Variants in FETUB observed in about 807,000 individuals in gnomAD.
FETUB encodes fetuin-B.
Under a neutral mutation model 30.9 loss-of-function variants are expected in FETUB, and 28 were observed. That is an observed-to-expected ratio of 0.90 (90% confidence interval 0.67 to 1.24). The LOEUF (loss-of-function observed/expected upper bound fraction) is 1.24. Ranked by LOEUF, FETUB falls within the 50% of genes most tolerant of loss-of-function variation. FETUB has a pLI of 0.00. For synonymous variants in FETUB, 186 were observed against 175.9 expected, an observed-to-expected ratio of 1.06 and a Z score of -0.45; for missense variants, 469 against 455.3, an observed-to-expected ratio of 1.03 and a Z score of -0.27.
chr3:186,650,617 T>A lies in FETUB; in HGVS notation c.697-601T>A, dbSNP rs1437514034. On this transcript the variant is annotated intron_variant, in intron 5 of 6. Coordinates refer to ENST00000265029, the MANE Select transcript of FETUB (RefSeq NM_014375.3). The stretch of plus-strand genomic sequence containing the variant: ...TAAAGTAATATATATATAATATGAC[T>A]CTATTTTGTAGAAGAAAAATGTATA... 2.6e-5 allele frequency among the ~76,000 whole-genome samples: 4 copies of A among 151,972 alleles called. No individual in the cohort carries two copies. The South Asian group carries it at 6.2e-4, about 24-fold the overall frequency.
Position 186,641,123 on chromosome 3 carries a change from A to G in FETUB, c.319A>G (p.Arg107Gly). The change falls in exon 2 of 7, where the codon AGG becomes GGG. Residue 107 changes from arginine (R) to glycine (G), a missense_variant. Arg to Gly is a moderately radical substitution (Grantham distance 125, BLOSUM62 -2). Transcript: ENST00000265029. ...RKKAWQDCGM[R>G]IFFESVYGQC... Reference sequence around the variant, plus strand: ...GAAGGCATGGCAAGACTGTGGAATGAGGATATTTTTTGAATCAGTGAGTGC... The same window carrying G: ...GAAGGCATGGCAAGACTGTGGAATGGGGATATTTTTTGAATCAGTGAGTGC... 1 of 1,611,810 alleles carries G rather than the reference A, an allele frequency of 6.2e-7. No individual in the cohort carries two copies. The highest frequency in any genetic ancestry group is 1.3e-5 in the African/African-American group (1 of 75,006).
At position 186,652,743 on chromosome 3, in the gene FETUB, C is replaced by A; in HGVS notation, c.*112C>A. On this transcript the variant is annotated 3_prime_UTR_variant, in exon 7 of 7. Coordinates refer to ENST00000265029, the MANE Select transcript of FETUB (RefSeq NM_014375.3). ...ACGTAGAGTGGCTAGTGAAGGACGC[C>A]TTTTTGACTCTTCTTGGTCTCAGCA... 7.9e-7 allele frequency: 1 copy of A among 1,264,302 alleles called. No individual in the cohort carries two copies. The highest frequency in any genetic ancestry group is 1.1e-6 in the Non-Finnish European group (1 of 936,222). 78.3% of individuals were successfully genotyped at this position (1,264,302 alleles called of 1,614,324 possible).
chr3:186,640,307 G>A, upstream of FETUB: 1 of 664,150 alleles, frequency 1.5e-6, no homozygotes, highest in Non-Finnish European at 2.7e-6. Context: ...CCAAAGTACT[G>A]ACTTAGGAAA....
At position 186,651,237 on chromosome 3, in the gene FETUB, G is replaced by C; in HGVS notation, c.716G>C (p.Gly239Ala). Residue 239 changes from glycine to alanine, a missense_variant, in exon 6 of 7, where the codon GGT (glycine) becomes GCT (alanine). By Grantham distance (60) the Gly-to-Ala change is moderately conservative. Coordinates refer to ENST00000265029, the MANE Select transcript of FETUB (RefSeq NM_014375.3). ...TTTTAGCCTGTTGGTCTTTGCAAAG[G>C]TTCTCTGACTCGAACACACTGGGAA... ...SDSVPVGLCK[G>A]SLTRTHWEKF... 3 of 1,613,110 alleles carry C rather than the reference G, an allele frequency of 1.9e-6. No individual in the cohort carries two copies. The highest frequency in any genetic ancestry group is 1.7e-6 in the Non-Finnish European group (2 of 1,179,118).
In FETUB at chr3:186,652,592, G is replaced by A. The variant is rs1326741993; in HGVS notation, c.1110G>A (p.Gly370=). The A allele has an allele frequency of 6.2e-7, 1 of 1,612,412 alleles. No homozygotes were observed. Among genetic ancestry groups the A allele is most frequent in the Admixed American group, 1.7e-5 (1 of 59,850 alleles). ...KEKARTAECP[G]PAQNASPLVL... ...AAGCACGCACTGCTGAGTGCCCAGG[G>A]CCAGCCCAGAATGCCAGCCCTCTTG... Residue 370 remains glycine, a synonymous_variant, in exon 7 of 7, where the codon GGG becomes GGA. Transcript: ENST00000265029.
At chr3:186,636,932 G>T (rs1716792249), upstream of FETUB, among the ~76,000 whole-genome samples, 1 of 152,148 alleles carries the variant, frequency 6.6e-6, no homozygotes, top group Non-Finnish European at 1.5e-5. Flanking sequence ...AGTAGAACTA[G>T]TTTCTCCCCT....
rs772469145 is a variant in FETUB at position 186,644,936 on chromosome 3, C to G, written c.594+16C>G. On this transcript the variant is annotated intron_variant, in intron 4 of 6. Coordinates refer to ENST00000265029, the MANE Select transcript of FETUB (RefSeq NM_014375.3). ...TTCTAGCCAGGTAAGGCTAAAACTGCCCAAGCCAGTTACACAGTGTGTCTC... is the reference window on the plus strand; with the variant it reads ...TTCTAGCCAGGTAAGGCTAAAACTGGCCAAGCCAGTTACACAGTGTGTCTC... 6.3e-7 allele frequency: 1 copy of G among 1,599,726 alleles called. No individual in the cohort carries two copies. The highest frequency in any genetic ancestry group is 1.7e-5 in the Admixed American group (1 of 57,666).
upstream of FETUB, among the ~76,000 whole-genome samples, chr3:186,638,360 T>C (rs1049686723): frequency 2.6e-5 from 4 of 152,178 alleles, no homozygotes; most frequent in Non-Finnish European, 5.9e-5. Context: ...TCTATTCTCT[T>C]TCTACAGGCA....
upstream of FETUB, among the ~76,000 whole-genome samples, chr3:186,637,659 C>G (rs1037315442): frequency 2.0e-5 from 3 of 152,238 alleles, no homozygotes; most frequent in African/African-American, 7.2e-5. Context: ...TGCATCCATT[C>G]AAGTGTAACC....
At position 186,652,786 on chromosome 3, in the gene FETUB, A is replaced by C; in HGVS notation, c.*155A>C. The C allele has an allele frequency of 1.1e-6, 1 of 882,604 alleles. No individual in the cohort carries two copies. Among genetic ancestry groups the C allele is most frequent in the Non-Finnish European group, 1.7e-6 (1 of 598,736 alleles). The allele number at this position is 882,604 out of a possible 1,614,324, so 54.7% of individuals were successfully genotyped here. On this transcript the variant is annotated 3_prime_UTR_variant, in exon 7 of 7. Coordinates refer to ENST00000265029, the MANE Select transcript of FETUB (RefSeq NM_014375.3). Reference sequence around the variant, plus strand: ...TCTCAGCATGTTGACTGGGATTGGAAATAATGAGACTGAGCCCTCGGCTTG... The same window carrying C: ...TCTCAGCATGTTGACTGGGATTGGACATAATGAGACTGAGCCCTCGGCTTG...
chr3:186,650,819 G>A (rs918976085), intron 5 of FETUB, among the ~76,000 whole-genome samples: 1 of 152,198 alleles, frequency 6.6e-6, no homozygotes, highest in South Asian at 2.1e-4. Flanking sequence ...GGAGCTGAGA[G>A]TGGTTTTGTC....
chr3:186,645,208 C>G (rs1237268505), intron 4 of FETUB, among the ~76,000 whole-genome samples: 1 of 152,154 alleles, frequency 6.6e-6, no homozygotes, highest in East Asian at 1.9e-4. Context: ...CATACGTTCA[C>G]CACTCACTGC....
rs765038127 is a variant in FETUB at position 186,641,031 on chromosome 3, G to C, written c.227G>C (p.Gly76Ala). 7 of 1,606,942 alleles carry C rather than the reference G, an allele frequency of 4.4e-6. No homozygotes were observed. The highest frequency in any genetic ancestry group is 6.0e-6 in the Non-Finnish European group (7 of 1,173,648). ...GCATTTCTCTACCCCTTCCCACAGG[G>C]TGGCCTGGGATCTCTGTTCTATCTT... ...RVNDAQEYRRGGLGSLFYLTL... is the reference protein window; with the variant it reads ...RVNDAQEYRRAGLGSLFYLTL... Residue 76 changes from glycine to alanine, a missense_variant and splice_region_variant, in exon 2 of 7, where the codon GGT becomes GCT. Coordinates refer to ENST00000265029, the MANE Select transcript of FETUB (RefSeq NM_014375.3).
intron 3 of FETUB, among the ~76,000 whole-genome samples, chr3:186,643,293 C>T (rs1248093568): frequency 6.6e-6 from 1 of 152,172 alleles, no homozygotes; most frequent in Non-Finnish European, 1.5e-5. Flanking sequence ...GAGGCTGAAA[C>T]TTAATGACAC....
chr3:186,652,000 G>A lies in FETUB; in HGVS notation c.781-263G>A, dbSNP rs1718081050. On this transcript the variant is annotated intron_variant, in intron 6 of 6. Coordinates refer to ENST00000265029, the MANE Select transcript of FETUB (RefSeq NM_014375.3). ...AGAAAGAGAGCTTGCTGGAGACTTC[G>A]AGTGAGTCATTGAACCTCTCTGGGC... 16 of 256,908 alleles carry A rather than the reference G, an allele frequency of 6.2e-5. No homozygotes were observed. In the East Asian group the frequency reaches 8.7e-4, roughly 14 times the overall value. The allele number at this position is 256,908 out of a possible 1,614,324, so 15.9% of individuals were successfully genotyped here.
At chr3:186,636,009 G>A (rs1716761264), upstream of FETUB, 1 of 152,240 alleles carries the variant, frequency 6.6e-6, no homozygotes, top group Admixed American at 6.5e-5. Flanking sequence ...CACTAGGAGA[G>A]GCATCAGTCT....
At chr3:186,644,040 A>T (rs1156876046) in intron 3 of FETUB, among the ~76,000 whole-genome samples, 4 of 152,216 alleles carry the variant, frequency 2.6e-5, no homozygotes, top group Non-Finnish European at 5.9e-5. Context: ...ATATATAGTG[A>T]TATTTCCATA....
At chr3:186,639,655 TAAA>T (rs5855107), upstream of FETUB, among the ~76,000 whole-genome samples, 133 of 129,442 alleles carry the variant, frequency 1.0e-3, 2 homozygotes, top group East Asian at 7.9e-3. Flanking sequence ...AAATAGAAGC[TAAA>T]AAAAAAAAAA....
At chr3:186,642,429 A>G (rs1717139858) in intron 2 of FETUB, 42 bp from the exon 3 acceptor site, 4 of 1,054,802 alleles carry the variant, frequency 3.8e-6, no homozygotes, top group Non-Finnish European at 5.8e-6. Context: ...AAAAGCTCAT[A>G]GTTGCATTCG....
Sources: gnomAD v4.1 joint callset for allele counts (sites outside exome capture counted in the v4.1 genomes callset) on GRCh38, gnomAD v4.1.1 for gene constraint, MANE v1.5 for transcripts, NCBI Gene and HGNC (gene_info 2026-07-23, HGNC 2026-07-21) for gene names.